The following FARSB variants were observed in gnomAD, a reference collection of about 807,000 sequenced individuals.
FARSB encodes the protein phenylalanine--tRNA ligase beta subunit.
A neutral mutation model predicts 69.6 loss-of-function variants in FARSB; 40 were observed. The ratio of observed to expected loss-of-function variants is 0.57; its 90% CI spans 0.45 to 0.75. The LOEUF is 0.75. FARSB is among the 30% of genes least tolerant of loss of function. The pLI is 0.00. For missense variants in FARSB, 632 were observed against 722.9 expected, an observed-to-expected ratio of 0.87 and a Z score of 1.44; for synonymous variants, 235 against 247.2, an observed-to-expected ratio of 0.95 and a Z score of 0.46.
chr2:222,639,850 A>T (rs1691673703), intron 4 of FARSB, among the ~76,000 whole-genome samples, 155 bp from the exon 5 acceptor site: 1 of 152,250 alleles, frequency 6.6e-6, no homozygotes, highest in Admixed American at 6.5e-5. Flanking sequence ...TAAAGTGGTA[A>T]ACAAGAGAAA....
intron 2 of FARSB, among the ~76,000 whole-genome samples, chr2:222,647,909 G>A (rs1337211196): frequency 6.6e-6 from 1 of 152,138 alleles, no homozygotes; most frequent in Non-Finnish European, 1.5e-5. Flanking sequence ...ATAATCACCT[G>A]GAGGGCTTGG....
chr2:222,637,813 C>T (rs938042222), intron 5 of FARSB, among the ~76,000 whole-genome samples: 4 of 151,952 alleles, frequency 2.6e-5, no homozygotes, highest in African/African-American at 9.7e-5. Flanking sequence ...AGACCCCTGT[C>T]TCTACAAAAA....
At chr2:222,593,018 C>A (rs1196275214) in intron 16 of FARSB, among the ~76,000 whole-genome samples, 2 of 152,038 alleles carry the variant, frequency 1.3e-5, no homozygotes, top group Non-Finnish European at 2.9e-5. Flanking sequence ...TCTTGGTTAA[C>A]AGACTAAAAA....
At position 222,645,689 on chromosome 2, in the gene FARSB, G is replaced by A. The variant is rs1444384112; in HGVS notation, c.115-2684C>T. ...AGTAATAGATTTTCTTACATAATAC[G>A]TTCCTTCAGTAATATATTTTTCAAG... On this transcript the variant is annotated intron_variant, in intron 2 of 16. Coordinates refer to ENST00000281828, the MANE Select transcript of FARSB (RefSeq NM_005687.5). Among the ~76,000 whole-genome samples, 5 of 150,292 alleles carry A rather than the reference G, an allele frequency of 3.3e-5. No homozygotes were observed. In the East Asian group the frequency reaches 7.8e-4, roughly 23 times the overall value.
intron 15 of FARSB, among the ~76,000 whole-genome samples, chr2:222,609,455 G>C (rs1036056959): frequency 2.0e-5 from 3 of 152,176 alleles, no homozygotes; most frequent in African/African-American, 7.2e-5. Context: ...TGACTTCCTT[G>C]TTATCAACTG....
In FARSB at chr2:222,648,300, G is replaced by A. The variant is rs555060171; in HGVS notation, c.114+440C>T. 2.0e-5 allele frequency among the ~76,000 whole-genome samples: 3 copies of A among 152,194 alleles called. No individual in the cohort carries two copies. In the South Asian group the frequency reaches 6.2e-4, roughly 32 times the overall value. Reference sequence around the variant, plus strand: ...TTACAAGACCAATGAATATAGTAATGCATTAGTACTGGTTGAAGAGGCACG... The same window carrying A: ...TTACAAGACCAATGAATATAGTAATACATTAGTACTGGTTGAAGAGGCACG... On this transcript the variant is annotated intron_variant, in intron 2 of 16. Coordinates refer to ENST00000281828, the MANE Select transcript of FARSB (RefSeq NM_005687.5).
intron 5 of FARSB, among the ~76,000 whole-genome samples, chr2:222,636,803 T>C (rs1427372186): frequency 2.6e-5 from 4 of 152,122 alleles, no homozygotes; most frequent in African/African-American, 4.8e-5. Flanking sequence ...CAGAGAAACA[T>C]AGCAAAGTCA....
rs747176811 is a variant in FARSB, at chr2:222,600,060, G to T, written c.1486C>A (p.His496Asn). The T allele has an allele frequency of 1.9e-6, 3 of 1,607,760 alleles. No individual in the cohort carries two copies. The highest frequency in any genetic ancestry group is 1.7e-6 in the Non-Finnish European group (2 of 1,178,498). ...NTDVGAKNYR[H>N]LCAVYYNKNP... Reference sequence around the variant, plus strand: ...TTGTTGTAATAAACAGCACAGAGATGTCTGTAGTTTTTTGCACCTACATCT... The same window carrying T: ...TTGTTGTAATAAACAGCACAGAGATTTCTGTAGTTTTTTGCACCTACATCT... The change falls in exon 16 of 17, where the codon CAT becomes AAT. Residue 496 changes from histidine (H) to asparagine (N), a missense_variant. By Grantham distance (68) the His-to-Asn change is moderately conservative. Transcript: ENST00000281828.
At chr2:222,637,851 C>T (rs1691625077) in intron 5 of FARSB, among the ~76,000 whole-genome samples, 1 of 151,988 alleles carries the variant, frequency 6.6e-6, no homozygotes, top group Non-Finnish European at 1.5e-5. Flanking sequence ...GGTGTGGTGA[C>T]TCATGCTTGT....
At chr2:222,610,496 AAAAATAG>A (rs1222838320) in intron 15 of FARSB, among the ~76,000 whole-genome samples, 6 of 152,042 alleles carry the variant, frequency 3.9e-5, no homozygotes, top group African/African-American at 1.4e-4. Flanking sequence ...TCTAAAAATA[AAAAATAG>A]AAAAAATAGA....
chr2:222,578,903 A>G (rs1241931119), intron 16 of FARSB, among the ~76,000 whole-genome samples: 4 of 152,050 alleles, frequency 2.6e-5, no homozygotes, highest in Non-Finnish European at 5.9e-5. Context: ...AATTGCTTGA[A>G]CTCGGGAGGG....
chr2:222,604,254 T>C lies in FARSB; in HGVS notation c.1463-4171A>G, dbSNP rs143231763. 1.5e-4 allele frequency among the ~76,000 whole-genome samples: 23 copies of C among 152,152 alleles called. No homozygotes were observed. The East Asian group carries it at 4.2e-3, about 28-fold the overall frequency. On this transcript the variant is annotated intron_variant, in intron 15 of 16. Transcript: ENST00000281828. ...AAAAAAGATATGCATTGTTGAAATG[T>C]TTTTTATATGATAAACAGATGTTTT...
chr2:222,617,671 G>A (rs961984832), intron 14 of FARSB, among the ~76,000 whole-genome samples: 1 of 152,202 alleles, frequency 6.6e-6, no homozygotes, highest in Non-Finnish European at 1.5e-5. Context: ...ATCACTTGAG[G>A]CCGGGAGTTC....
chr2:222,570,375 A>G lies in FARSB; in HGVS notation c.*1496T>C, dbSNP rs1296784634. ...GCTTATAACAGAGCTGTGAAGGGTC[A>G]GCTGGAAGTGTGTGTGTTCACAAAT... On this transcript the variant is annotated 3_prime_UTR_variant, in exon 17 of 17. Transcript: ENST00000281828. 6.6e-6 allele frequency among the ~76,000 whole-genome samples: 1 copy of G among 152,218 alleles called. No homozygotes were observed. Among genetic ancestry groups the G allele is most frequent in the Admixed American group, 6.5e-5 (1 of 15,284 alleles).
chr2:222,583,969 T>A (rs1465400316), intron 16 of FARSB, among the ~76,000 whole-genome samples: 2 of 152,216 alleles, frequency 1.3e-5, no homozygotes, highest in African/African-American at 2.4e-5. Flanking sequence ...CTTTTCTTTA[T>A]AAATTACTCA....
intron 1 of FARSB, 83 bp downstream of exon 1, chr2:222,655,933 G>C: frequency 2.6e-6 from 3 of 1,142,192 alleles, no homozygotes; most frequent in Non-Finnish European, 3.9e-6. Context: ...AGGAAGGCAT[G>C]AATGTCGCCA....
At chr2:222,631,855 C>G (rs185753036) in intron 7 of FARSB, among the ~76,000 whole-genome samples, 181 bp from the exon 8 acceptor site, 1 of 152,198 alleles carries the variant, frequency 6.6e-6, no homozygotes, top group African/African-American at 2.4e-5. Flanking sequence ...GGCGGATCAC[C>G]TGAGGTCAGG....
At chr2:222,576,303 G>A (rs1304280388) in intron 16 of FARSB, among the ~76,000 whole-genome samples, 4 of 150,438 alleles carry the variant, frequency 2.7e-5, no homozygotes, top group South Asian at 2.1e-4. Flanking sequence ...TGTGAGGCTC[G>A]AACCCACATA....
intron 16 of FARSB, among the ~76,000 whole-genome samples, chr2:222,587,974 T>C (rs1384885076): frequency 6.6e-6 from 1 of 152,052 alleles, no homozygotes; most frequent in African/African-American, 2.4e-5. Context: ...TTCCAATCAA[T>C]ATAAAAAGAG....
Sources: allele counts gnomAD v4.1 joint callset (sites outside exome capture counted in the v4.1 genomes callset), GRCh38; gene constraint gnomAD v4.1.1; transcripts MANE v1.5; gene names NCBI Gene and HGNC (gene_info 2026-07-23, HGNC 2026-07-21).